Variants in GATAD2B observed in about 807,000 individuals in gnomAD.
GATAD2B encodes the protein transcriptional repressor p66-beta.
Under a neutral mutation model 64.3 loss-of-function variants are expected in GATAD2B, and 8 were observed. That is an observed-to-expected ratio of 0.12 (90% confidence interval 0.07 to 0.22). The LOEUF is 0.22. GATAD2B is among the 10% of genes least tolerant of loss of function. GATAD2B has a pLI of 1.00. For synonymous variants in GATAD2B, 281 were observed against 271.3 expected, an observed-to-expected ratio of 1.04 and a Z score of -0.35; for missense variants, 453 against 752.0, an observed-to-expected ratio of 0.60 and a Z score of 4.65.
In GATAD2B at chr1:153,829,598, G is replaced by A. The variant is rs1256802843; in HGVS notation, c.-1-1250C>T. ...TAAAAATATAAAAACTTAGCTGGGC[G>A]TGGTGGCGGGCGCCTGTAATCCCTG... On this transcript the variant is annotated intron_variant, in intron 1 of 10. Transcript: ENST00000368655. 3.3e-5 allele frequency among the ~76,000 whole-genome samples: 5 copies of A among 152,120 alleles called. No individual in the cohort carries two copies. The South Asian group carries it at 6.2e-4, about 19-fold the overall frequency.
chr1:153,908,556 C>T (rs144454101), intron 1 of GATAD2B, among the ~76,000 whole-genome samples: 5,134 of 151,546 alleles, frequency 0.034, 289 homozygotes, highest in African/African-American at 0.12. Context: ...GCAACCTCCG[C>T]CTCCCGGGTT....
At chr1:153,864,117 TAC>T (rs1200982282) in intron 1 of GATAD2B, among the ~76,000 whole-genome samples, 1 of 152,176 alleles carries the variant, frequency 6.6e-6, no homozygotes, top group Non-Finnish European at 1.5e-5. Flanking sequence ...CTCAAATTTG[TAC>T]ACACACACAT....
chr1:153,915,978 A>T (rs1458665575), intron 1 of GATAD2B, among the ~76,000 whole-genome samples: 1 of 152,122 alleles, frequency 6.6e-6, no homozygotes, highest in African/African-American at 2.4e-5. Context: ...GATGATAGAG[A>T]GTTTACAAGA....
chr1:153,850,622 TA>T (rs1675852758), intron 1 of GATAD2B, among the ~76,000 whole-genome samples: 2 of 151,750 alleles, frequency 1.3e-5, no homozygotes, highest in South Asian at 4.2e-4. Flanking sequence ...ACTTAATTTT[TA>T]AAAAATTGTT....
chr1:153,902,842 T>C lies in GATAD2B; in HGVS notation c.-2+19891A>G, dbSNP rs1197957858. Among the ~76,000 whole-genome samples, 5 of 152,326 alleles carry C rather than the reference T, an allele frequency of 3.3e-5. No individual in the cohort carries two copies. In the East Asian group the frequency reaches 7.7e-4, roughly 23 times the overall value. ...ATATCCTCTAACGTACCTATGTTTA[T>C]ATCTTTTACATACTACTTTACATAG... On this transcript the variant is annotated intron_variant, in intron 1 of 10. Coordinates refer to ENST00000368655, the MANE Select transcript of GATAD2B (RefSeq NM_020699.4).
chr1:153,879,064 C>G (rs888791953), intron 1 of GATAD2B, among the ~76,000 whole-genome samples: 5 of 152,116 alleles, frequency 3.3e-5, no homozygotes, highest in Admixed American at 6.6e-5. Context: ...CTCAGCCTCC[C>G]GAGTAGCTGG....
chr1:153,908,744 A>C (rs1571006405), intron 1 of GATAD2B, among the ~76,000 whole-genome samples: 1 of 147,864 alleles, frequency 6.8e-6, no homozygotes, highest in East Asian at 2.0e-4. Context: ...CTGGGATTAC[A>C]GGTGTGAGCC....
intron 2 of GATAD2B, among the ~76,000 whole-genome samples, chr1:153,820,761 C>G (rs1674649700): frequency 6.6e-6 from 1 of 151,988 alleles, no homozygotes; most frequent in Non-Finnish European, 1.5e-5. Flanking sequence ...TCCTGAGTAA[C>G]TGGGACTACA....
intron 7 of GATAD2B, among the ~76,000 whole-genome samples, chr1:153,815,111 A>AAAAAAC (rs1674418361): frequency 7.2e-6 from 1 of 139,846 alleles, no homozygotes; most frequent in Non-Finnish European, 1.6e-5. Flanking sequence ...AAAAAAAAAA[A>AAAAAAC]ACCAACAAAG....
rs1372251324 is a variant in GATAD2B at position 153,815,670 on chromosome 1, G to A, written c.1216+603C>T. 5.3e-5 allele frequency among the ~76,000 whole-genome samples: 8 copies of A among 152,098 alleles called. No individual in the cohort carries two copies. In the South Asian group the frequency reaches 1.2e-3, roughly 24 times the overall value. ...TGCTGAAGGGAAAAAAAAACAAGCC[G>A]AAAGATAGATGATAGATTAGATAGA... is the stretch of plus-strand genomic sequence containing the variant. On this transcript the variant is annotated intron_variant, in intron 7 of 10. Coordinates refer to ENST00000368655, the MANE Select transcript of GATAD2B (RefSeq NM_020699.4).
intron 1 of GATAD2B, among the ~76,000 whole-genome samples, chr1:153,921,515 G>A (rs1157543712): frequency 6.6e-6 from 1 of 151,984 alleles, no homozygotes; most frequent in African/African-American, 2.4e-5. Flanking sequence ...CACTGCTCTT[G>A]CCCTTTGCTG....
chr1:153,910,499 G>T (rs951552646), intron 1 of GATAD2B, among the ~76,000 whole-genome samples: 4 of 152,244 alleles, frequency 2.6e-5, no homozygotes, highest in Non-Finnish European at 4.4e-5. Flanking sequence ...CAGCACTTTG[G>T]GAGGCCAAGG....
At chr1:153,870,617 T>A (rs2101929583) in intron 1 of GATAD2B, among the ~76,000 whole-genome samples, 1 of 152,102 alleles carries the variant, frequency 6.6e-6, no homozygotes, top group Middle Eastern at 3.4e-3. Context: ...GTGAAAAAAA[T>A]TCCACATCAA....
At chr1:153,821,271 A>T (rs538596329) in intron 2 of GATAD2B, among the ~76,000 whole-genome samples, 62 of 152,020 alleles carry the variant, frequency 4.1e-4, no homozygotes, top group Admixed American at 8.5e-4. Context: ...GGTGTGAGCC[A>T]CCATGCCCAG....
chr1:153,854,169 G>GA (rs1299129331), intron 1 of GATAD2B, among the ~76,000 whole-genome samples: 1 of 152,178 alleles, frequency 6.6e-6, no homozygotes, highest in Non-Finnish European at 1.5e-5. Context: ...TTGGGAGGCT[G>GA]AAACGGGCGG....
Position 153,809,897 on chromosome 1 carries a change from ACCT to A in GATAD2B, c.*277_*279del. 1 of 323,022 alleles carries A rather than the reference ACCT, an allele frequency of 3.1e-6. No homozygotes were observed. Among genetic ancestry groups the A allele is most frequent in the Non-Finnish European group, 5.6e-6 (1 of 177,112 alleles). 20.0% of individuals were successfully genotyped at this position (323,022 alleles called of 1,614,324 possible). A position where few individuals can be genotyped will look rare whatever the true frequency, so the allele number is the denominator to read the frequency against. On this transcript the variant is annotated 3_prime_UTR_variant, in exon 11 of 11. Transcript: ENST00000368655. ...AGATTCTCCCCAGGACCTCATTCTG[ACCT>A]CTATCAGAGGTAAAGATCCACCTCA...
chr1:153,893,479 C>T (rs569071346), intron 1 of GATAD2B, among the ~76,000 whole-genome samples: 15 of 152,016 alleles, frequency 9.9e-5, no homozygotes, highest in African/African-American at 2.9e-4. Context: ...CAGGGTGGCA[C>T]ATGCCTGTAG....
At chr1:153,908,282 C>T (rs1310511539) in intron 1 of GATAD2B, among the ~76,000 whole-genome samples, 1 of 152,090 alleles carries the variant, frequency 6.6e-6, no homozygotes, top group Non-Finnish European at 1.5e-5. Flanking sequence ...CTGCTTGAGC[C>T]TAGGAGTTTG....
At chr1:153,918,182 A>G (rs1300967178) in intron 1 of GATAD2B, among the ~76,000 whole-genome samples, 1 of 152,236 alleles carries the variant, frequency 6.6e-6, no homozygotes, top group African/African-American at 2.4e-5. Flanking sequence ...AACCATGTAA[A>G]GCCTTAAAGG....
Sources: gnomAD v4.1 joint callset for allele counts (sites outside exome capture counted in the v4.1 genomes callset) on GRCh38, gnomAD v4.1.1 for gene constraint, MANE v1.5 for transcripts, NCBI Gene and HGNC (gene_info 2026-07-23, HGNC 2026-07-21) for gene names.